The following PAX3 variants were observed in gnomAD, a reference collection of about 807,000 sequenced individuals.
PAX3 encodes the protein paired box 3.
In PAX3, 14 loss-of-function variants were observed where a neutral mutation model predicts 51.6. That is an observed-to-expected ratio of 0.27 (90% CI 0.18 to 0.42). The LOEUF (loss-of-function observed/expected upper bound fraction) is 0.42, where lower values mean the gene tolerates loss of function less well. Among genes scored for constraint, PAX3 ranks in the 10% least tolerant of loss-of-function variants. The pLI is 1.00. For missense variants in PAX3, 540 were observed against 642.8 expected, an observed-to-expected ratio of 0.84 and a Z score of 1.73; for synonymous variants, 280 against 253.4, an observed-to-expected ratio of 1.11 and a Z score of -1.00.
chr2:222,210,481 G>A (rs1186012548), intron 7 of PAX3, among the ~76,000 whole-genome samples: 1 of 152,030 alleles, frequency 6.6e-6, no homozygotes, highest in Middle Eastern at 3.2e-3. Flanking sequence ...ATTCATTCAT[G>A]TCAATATTAT....
chr2:222,283,611 T>C (rs533393154), intron 4 of PAX3, among the ~76,000 whole-genome samples: 1 of 152,274 alleles, frequency 6.6e-6, no homozygotes, highest in African/African-American at 2.4e-5. Context: ...TGGCTGAGAG[T>C]TGGCCCCCAT....
intron 4 of PAX3, among the ~76,000 whole-genome samples, chr2:222,285,388 G>T (rs901023274): frequency 5.3e-5 from 8 of 152,172 alleles, no homozygotes; most frequent in African/African-American, 1.9e-4. Context: ...CAATGAACTG[G>T]GTAAGAACCA....
intron 4 of PAX3, among the ~76,000 whole-genome samples, chr2:222,282,747 A>G (rs1199179134): frequency 1.3e-5 from 2 of 152,230 alleles, no homozygotes; most frequent in Non-Finnish European, 1.5e-5. Context: ...GTAAATAGGG[A>G]AAAAGTAGAA....
At chr2:222,246,028 A>C (rs1693217607) in intron 4 of PAX3, among the ~76,000 whole-genome samples, 1 of 152,082 alleles carries the variant, frequency 6.6e-6, no homozygotes, top group South Asian at 2.1e-4. Flanking sequence ...CCTTTCTAGC[A>C]AAGAAGGATA....
intron 4 of PAX3, among the ~76,000 whole-genome samples, chr2:222,270,376 T>C (rs1694207306): frequency 6.6e-6 from 1 of 152,202 alleles, no homozygotes; most frequent in Non-Finnish European, 1.5e-5. Context: ...AGAGTTTATG[T>C]TACCCTCAAT....
At chr2:222,239,529 GA>G (rs143192344) in intron 4 of PAX3, among the ~76,000 whole-genome samples, 8 of 151,388 alleles carry the variant, frequency 5.3e-5, no homozygotes, top group Admixed American at 2.0e-4. Context: ...TATGCAGGTG[GA>G]AAAAAAACAG....
rs752573217 is a variant in PAX3, at chr2:222,202,166, C to A, written c.1198G>T (p.Gly400Cys). The change falls in exon 8 of 9, where the codon GGT becomes TGT. Residue 400 changes from glycine to cysteine, a missense_variant. Gly to Cys is a radical substitution (Grantham distance 159). Around this residue, in one of 3 missense-constraint regions of PAX3, gnomAD observed 427 missense variants for 483.6 expected, o/e 0.88. Coordinates refer to ENST00000392070, the MANE Select transcript of PAX3 (RefSeq NM_181458.4). Reference sequence around the variant, plus strand: ...GTCTGGGGCTGATGAGGTACCCCACCGTGGTTGGTCAGGAGTCCCATTACC... The same window carrying A: ...GTCTGGGGCTGATGAGGTACCCCACAGTGGTTGGTCAGGAGTCCCATTACC... ...PQVMGLLTNHGGVPHQPQTDY... is the reference protein window; with the variant it reads ...PQVMGLLTNHCGVPHQPQTDY... The A allele has an allele frequency of 1.2e-6, 2 of 1,603,132 alleles. No individual in the cohort carries two copies. Among genetic ancestry groups the A allele is most frequent in the South Asian group, 1.1e-5 (1 of 89,838 alleles).
At chr2:222,224,755 T>A (rs182984140) in intron 5 of PAX3, among the ~76,000 whole-genome samples, 2 of 152,212 alleles carry the variant, frequency 1.3e-5, no homozygotes, top group Non-Finnish European at 2.9e-5. Flanking sequence ...CAATGAATAA[T>A]CTGCAGAATG....
chr2:222,232,257 A>T lies in PAX3; in HGVS notation c.613T>A (p.Ser205Thr). ...AAATCTGGTTCAGAGTCAATATCAG[A>T]GCCTTCATCTGATTGGGGTGCTGAG... Reference protein sequence around the residue: ...RASAPQSDEGSDIDSEPDLPL... With the variant: ...RASAPQSDEGTDIDSEPDLPL... Residue 205 changes from serine (S) to threonine (T), a missense_variant, in exon 5 of 9, where the codon TCT (serine) becomes ACT (threonine). By Grantham distance (58) the Ser-to-Thr change is moderately conservative. Coordinates refer to ENST00000392070, the MANE Select transcript of PAX3 (RefSeq NM_181458.4). The T allele has an allele frequency of 6.2e-7, 1 of 1,614,056 alleles. No individual in the cohort carries two copies. The highest frequency in any genetic ancestry group is 8.5e-7 in the Non-Finnish European group (1 of 1,179,948).
At chr2:222,222,748 G>C (rs1692245462) in intron 5 of PAX3, among the ~76,000 whole-genome samples, 1 of 152,218 alleles carries the variant, frequency 6.6e-6, no homozygotes, top group African/African-American at 2.4e-5. Context: ...AGGGAATCAA[G>C]TAGGATCTCT....
chr2:222,200,821 A>C lies in PAX3; in HGVS notation c.*587T>G, dbSNP rs1435708028. On this transcript the variant is annotated 3_prime_UTR_variant, in exon 9 of 9. Coordinates refer to ENST00000392070, the MANE Select transcript of PAX3 (RefSeq NM_181458.4). The stretch of plus-strand genomic sequence containing the variant: ...AAATAATTTATTTAGGAGGTCCTTT[A>C]CAGCTAGTCTAGCTTCCTAAAAATG... The C allele has an allele frequency of 2.2e-5, 8 of 355,824 alleles. No individual in the cohort carries two copies. The highest frequency in any genetic ancestry group is 1.8e-4 in the Admixed American group (4 of 22,628). 22.0% of individuals were successfully genotyped at this position (355,824 alleles called of 1,614,324 possible). A position where few individuals can be genotyped will look rare whatever the true frequency, so the allele number is the denominator to read the frequency against.
At chr2:222,294,020 T>TC in intron 4 of PAX3, 147 bp downstream of exon 4, 1 of 1,551,178 alleles carries the variant, frequency 6.4e-7, no homozygotes, top group Non-Finnish European at 8.7e-7. Context: ...GTCTTTCAGT[T>TC]CCATGTCGTT....
chr2:222,225,787 A>T (rs1054157880), intron 5 of PAX3, among the ~76,000 whole-genome samples: 3 of 152,212 alleles, frequency 2.0e-5, no homozygotes, highest in African/African-American at 7.2e-5. Flanking sequence ...AGTAAATGCT[A>T]GCTATTAAAT....
intron 4 of PAX3, among the ~76,000 whole-genome samples, chr2:222,282,667 G>T (rs1386760846): frequency 6.6e-6 from 1 of 151,986 alleles, no homozygotes; most frequent in African/African-American, 2.4e-5. Flanking sequence ...AATTTTTCTG[G>T]CTTACAAAGA....
At chr2:222,297,297 G>C (rs1209665904) in intron 1 of PAX3, 84 bp from the exon 2 acceptor site, 2 of 1,090,758 alleles carry the variant, frequency 1.8e-6, no homozygotes, top group Non-Finnish European at 2.7e-6. Context: ...TAATTTCGCA[G>C]TCTTCTGTCC....
intron 4 of PAX3, among the ~76,000 whole-genome samples, chr2:222,243,957 A>G (rs1693115685): frequency 6.6e-6 from 1 of 152,212 alleles, no homozygotes; most frequent in Non-Finnish European, 1.5e-5. Flanking sequence ...TGGGATACCT[A>G]CTGTGCAAGA....
chr2:222,260,551 AGTTTTTTTTTTTT>A (rs869083233), intron 4 of PAX3, among the ~76,000 whole-genome samples: 11,749 of 99,982 alleles, frequency 0.12, 475 homozygotes, highest in East Asian at 0.21. Flanking sequence ...AAGCAACACA[AGTTTTTTTTTTTT>A]GTTTTTTTTT....
chr2:222,221,544 GA>G, intron 5 of PAX3, 157 bp from the exon 6 acceptor site: 1 of 717,674 alleles, frequency 1.4e-6, no homozygotes. Context: ...GAATTGTCAG[GA>G]GTAAAAGAAG....
intron 4 of PAX3, among the ~76,000 whole-genome samples, chr2:222,270,196 G>C (rs975462205): frequency 1.3e-5 from 2 of 152,182 alleles, no homozygotes; most frequent in African/African-American, 4.8e-5. Flanking sequence ...TCCTTGCAGA[G>C]AGGTTGATGA....
Sources: gnomAD v4.1 joint callset for allele counts (sites outside exome capture counted in the v4.1 genomes callset) on GRCh38, gnomAD v4.1.1 for gene constraint, gnomAD v4.1.1 regional missense constraint, MANE v1.5 for transcripts, NCBI Gene and HGNC (gene_info 2026-07-23, HGNC 2026-07-21) for gene names.